The following CEP89 variants were observed in gnomAD, a reference collection of about 807,000 sequenced individuals.
The protein encoded by CEP89 is centrosomal protein of 89 kDa.
Under a neutral mutation model 97.6 loss-of-function variants are expected in CEP89, and 95 were observed. That is an observed-to-expected ratio of 0.97 (90% CI 0.82 to 1.15). CEP89 has a LOEUF of 1.15. Among genes scored for constraint, CEP89 ranks in the 50% most tolerant of loss-of-function variants. The pLI is 0.00. For synonymous variants in CEP89, 354 were observed against 349.1 expected (o/e 1.01, Z -0.16); for missense variants, 869 against 947.7 (o/e 0.92, Z 1.09).
At position 32,879,268 on chromosome 19, in the gene CEP89, G is replaced by A. The variant is rs1969227588; in HGVS notation, c.2246C>T (p.Pro749Leu). 1.2e-6 allele frequency: 2 copies of A among 1,614,092 alleles called. No individual in the cohort carries two copies. The highest frequency in any genetic ancestry group is 1.7e-6 in the Non-Finnish European group (2 of 1,180,034). ...TLTRTGVQDN[P>L]RALVAPSLNG... ...GAGGCTGGGGGCAACCAGAGCTCTG[G>A]GGTTGTCCTGCACGCCTGTCCTCGT... Residue 749 changes from proline to leucine, a missense_variant, in exon 19 of 19, where the codon CCC becomes CTC. Coordinates refer to ENST00000305768, the MANE Select transcript of CEP89 (RefSeq NM_032816.5).
chr19:32,917,748 C>A, intron 13 of CEP89: 1 of 971,926 alleles, frequency 1.0e-6, no homozygotes, highest in African/African-American at 1.8e-5. Flanking sequence ...GGAAGAGGGA[C>A]ACTCTCGGAA....
chr19:32,933,949 G>A (rs1763779688), intron 7 of CEP89, among the ~76,000 whole-genome samples: 1 of 152,210 alleles, frequency 6.6e-6, no homozygotes, highest in Non-Finnish European at 1.5e-5. Flanking sequence ...CAGGGCAGCA[G>A]GAGCCAGCAG....
Position 32,927,104 on chromosome 19 carries a change from C to T in CEP89, c.1030-120G>A, listed in dbSNP as rs911730182. The T allele has an allele frequency of 5.5e-4, 484 of 876,190 alleles. 4 individuals are homozygous for T. Among genetic ancestry groups the T allele is most frequent in the Non-Finnish European group, 9.7e-5 (53 of 546,922 alleles). 54.3% of individuals were successfully genotyped at this position (876,190 alleles called of 1,614,324 possible). A position where few individuals can be genotyped will look rare whatever the true frequency, so the allele number is the denominator to read the frequency against. On this transcript the variant is annotated intron_variant, in intron 9 of 18. Transcript: ENST00000305768. Reference sequence around the variant, plus strand: ...TCTATGCATTTATCTGTCTATCCATCTGCCTACCCACCCACCTACCCACCT... The same window carrying T: ...TCTATGCATTTATCTGTCTATCCATTTGCCTACCCACCCACCTACCCACCT...
chr19:32,948,589 ACACCATTAAAGTTATGCTAAGGC>A (rs1970846956), intron 4 of CEP89, among the ~76,000 whole-genome samples: 1 of 152,154 alleles, frequency 6.6e-6, no homozygotes, highest in Non-Finnish European at 1.5e-5. Flanking sequence ...GGCAAAGGCA[ACACCATTAAAGTTATGCTAAGGC>A]CACTGAGAGC....
intron 18 of CEP89, among the ~76,000 whole-genome samples, chr19:32,881,328 G>A (rs547412804): frequency 1.3e-5 from 2 of 148,256 alleles, no homozygotes; most frequent in South Asian, 4.3e-4. Flanking sequence ...AATAATAATA[G>A]AAATAACAGA....
At chr19:32,951,854 G>T (rs1170252600) in intron 4 of CEP89, among the ~76,000 whole-genome samples, 2 of 152,056 alleles carry the variant, frequency 1.3e-5, no homozygotes, top group African/African-American at 4.8e-5. Flanking sequence ...GTCTCTGTAG[G>T]TCACTGTATC....
At chr19:32,893,809 A>G (rs759015419) in intron 16 of CEP89, among the ~76,000 whole-genome samples, 3 of 152,254 alleles carry the variant, frequency 2.0e-5, no homozygotes, top group Non-Finnish European at 2.9e-5. Flanking sequence ...AGGGTATCAA[A>G]AATTTCTTGA....
chr19:32,932,914 T>G (rs1476665383), intron 8 of CEP89, among the ~76,000 whole-genome samples: 2 of 152,188 alleles, frequency 1.3e-5, no homozygotes, highest in African/African-American at 2.4e-5. Flanking sequence ...CACCCCACTG[T>G]AGTCCAACCT....
At chr19:32,937,601 C>G (rs1424732540) in intron 7 of CEP89, 30 bp downstream of exon 7, 1 of 1,503,490 alleles carries the variant, frequency 6.7e-7, no homozygotes. Context: ...ACAAGCTTTT[C>G]AATCATAATA....
At chr19:32,938,715 G>A (rs1032097984) in intron 6 of CEP89, among the ~76,000 whole-genome samples, 2 of 152,262 alleles carry the variant, frequency 1.3e-5, no homozygotes, top group Admixed American at 1.3e-4. Flanking sequence ...TTAGGAGCCC[G>A]AGGCAGGTGG....
At chr19:32,939,914 C>A (rs1339278758) in intron 5 of CEP89, 29 bp from the exon 6 acceptor site, 2 of 1,064,324 alleles carry the variant, frequency 1.9e-6, no homozygotes, top group Non-Finnish European at 2.8e-6. Context: ...GAGAGATAAA[C>A]TTTTAAAGTA....
intron 14 of CEP89, among the ~76,000 whole-genome samples, chr19:32,910,306 G>GGAGGGAGGGAGA (rs1969973739): frequency 6.7e-6 from 1 of 149,532 alleles, no homozygotes; most frequent in South Asian, 2.1e-4. Context: ...AGAGAGGGAG[G>GGAGGGAGGGAGA]GAGGGAGGGA....
chr19:32,950,393 T>A lies in CEP89; in HGVS notation c.493-2025A>T, dbSNP rs1599769435. On this transcript the variant is annotated intron_variant, in intron 4 of 18. Transcript: ENST00000305768. Reference sequence around the variant, plus strand: ...GATCAACATGGAGAAACCTTGTCTCTACTAAAAATATAAAATTAGCCAGGT... The same window carrying A: ...GATCAACATGGAGAAACCTTGTCTCAACTAAAAATATAAAATTAGCCAGGT... 7.2e-5 allele frequency among the ~76,000 whole-genome samples: 11 copies of A among 152,238 alleles called. 1 individual carries two copies. The South Asian group carries it at 2.3e-3, about 32-fold the overall frequency.
chr19:32,911,749 G>A (rs1244119081), intron 14 of CEP89, among the ~76,000 whole-genome samples: 1 of 152,164 alleles, frequency 6.6e-6, no homozygotes. Context: ...ATTTACTTAA[G>A]CACCAAGCTT....
Position 32,953,722 on chromosome 19 carries a change from T to C in CEP89, c.385A>G (p.Ile129Val), listed in dbSNP as rs762754337. Residue 129 changes from isoleucine (I) to valine (V), a missense_variant, in exon 4 of 19, where the codon ATT (isoleucine) becomes GTT (valine). Coordinates refer to ENST00000305768, the MANE Select transcript of CEP89 (RefSeq NM_032816.5). The stretch of plus-strand genomic sequence containing the variant: ...CCGCTGGATGACAGCTGAGTTTCAA[T>C]GTCCTCTTCGTCCCCATAGTCCAGT... Reference protein sequence around the residue: ...ETLDYGDEEDIETQLSSSGKE... With the variant: ...ETLDYGDEEDVETQLSSSGKE... 4.3e-6 allele frequency: 7 copies of C among 1,613,992 alleles called. No individual in the cohort carries two copies. In the East Asian group the frequency reaches 8.9e-5, roughly 21 times the overall value.
chr19:32,938,323 T>C (rs549913749), intron 6 of CEP89, among the ~76,000 whole-genome samples: 4 of 152,212 alleles, frequency 2.6e-5, no homozygotes, highest in African/African-American at 9.6e-5. Context: ...TGAGCAGAGA[T>C]GCCCTCAGCA....
intron 5 of CEP89, among the ~76,000 whole-genome samples, chr19:32,947,678 A>G (rs979531063): frequency 6.6e-6 from 1 of 151,790 alleles, no homozygotes; most frequent in African/African-American, 2.4e-5. Flanking sequence ...TCTGGTAGAG[A>G]TGGGATGTCC....
chr19:32,947,665 T>A (rs1000368695), intron 5 of CEP89, among the ~76,000 whole-genome samples: 5 of 151,958 alleles, frequency 3.3e-5, no homozygotes, highest in African/African-American at 1.2e-4. Flanking sequence ...TACTTTTTTG[T>A]ATTCTGGTAG....
chr19:32,941,986 A>G (rs1269039735), intron 5 of CEP89, among the ~76,000 whole-genome samples: 3 of 152,230 alleles, frequency 2.0e-5, no homozygotes, highest in African/African-American at 7.2e-5. Flanking sequence ...GCTACCTCAG[A>G]TCTGACTGCT....
Sources: gnomAD v4.1 joint callset for allele counts (sites outside exome capture counted in the v4.1 genomes callset) on GRCh38, gnomAD v4.1.1 for gene constraint, MANE v1.5 for transcripts, NCBI Gene and HGNC (gene_info 2026-07-23, HGNC 2026-07-21) for gene names.